NUP107: variants seen among roughly 807,000 people sequenced by gnomAD.
NUP107 encodes nucleoporin 107, also known as nuclear pore complex protein Nup107.
NUP107 carries 101 observed loss-of-function variants against 141.0 expected under a neutral mutation model. The ratio of observed to expected loss-of-function variants is 0.72; its 90% confidence interval spans 0.61 to 0.84. The LOEUF (loss-of-function observed/expected upper bound fraction) is 0.84, where lower values mean the gene tolerates loss of function less well. Among genes scored for constraint, NUP107 ranks in the 40% least tolerant of loss-of-function variants. The probability of loss-of-function intolerance (pLI) is 0.00; values close to 1 mark genes in which losing one functional copy is unlikely to be tolerated. For missense variants in NUP107, 941 were observed against 1,102.7 expected (o/e 0.85, Z 2.08); for synonymous variants, 319 against 363.9 (o/e 0.88, Z 1.41).
intron 7 of NUP107, among the ~76,000 whole-genome samples, chr12:68,701,836 A>T (rs958496200): frequency 2.0e-5 from 3 of 152,004 alleles, no homozygotes; most frequent in Admixed American, 2.0e-4. Flanking sequence ...TTTGAAAAAG[A>T]GTCTCACTCT....
At chr12:68,699,605 A>G (rs1231720606) in intron 6 of NUP107, among the ~76,000 whole-genome samples, 3 of 152,232 alleles carry the variant, frequency 2.0e-5, no homozygotes. Flanking sequence ...AATGTAATGA[A>G]TGAAGTACAG....
At position 68,721,098 on chromosome 12, in the gene NUP107, T is replaced by A. The variant is rs1337500805; in HGVS notation, c.1252-20T>A. 6 of 1,510,960 alleles carry A rather than the reference T, an allele frequency of 4.0e-6. No homozygotes were observed. The African/African-American group carries it at 8.3e-5, about 21-fold the overall frequency. The allele number at this position is 1,510,960 out of a possible 1,614,324, so 93.6% of individuals were successfully genotyped here. A position where few individuals can be genotyped will look rare whatever the true frequency, so the allele number is the denominator to read the frequency against. ...AAGAAAAACAATATTTCAAATTTGT[T>A]TATATTCATTGTGTTTTAGGAGCTT... is the stretch of plus-strand genomic sequence containing the variant. On this transcript the variant is annotated intron_variant, in intron 14 of 27. Transcript: ENST00000229179.
chr12:68,705,970 C>T, intron 8 of NUP107: 1 of 900,802 alleles, frequency 1.1e-6, no homozygotes, highest in South Asian at 1.3e-5. Flanking sequence ...ACAGTTCCTG[C>T]AGCAGCAGAA....
chr12:68,715,892 T>C, intron 12 of NUP107, 152 bp downstream of exon 12: 1 of 538,128 alleles, frequency 1.9e-6, no homozygotes, highest in East Asian at 2.9e-5. Context: ...ACATTTCCGG[T>C]GATAAGGCAC....
chr12:68,712,277 G>A (rs955042576), intron 10 of NUP107, among the ~76,000 whole-genome samples: 2 of 151,964 alleles, frequency 1.3e-5, no homozygotes, highest in African/African-American at 4.8e-5. Context: ...GAGATCAGGA[G>A]TTCAAGAGCA....
chr12:68,716,237 C>CTTTTTTT (rs1304801302), intron 12 of NUP107, among the ~76,000 whole-genome samples: 1 of 115,512 alleles, frequency 8.7e-6, no homozygotes, highest in Admixed American at 9.3e-5. Context: ...TTCTTTCTTT[C>CTTTTTTT]TTTCTTTCTT....
chr12:68,742,472 T>C lies in NUP107; in HGVS notation c.*10T>C, dbSNP rs79419059. ...TGAAATTCAGTTATAGTTTAATCTT[T>C]GTAATCTCACTAATTTTCATGATAA... is the stretch of plus-strand genomic sequence containing the variant. On this transcript the variant is annotated 3_prime_UTR_variant, in exon 28 of 28. Transcript: ENST00000229179. 0.036 allele frequency: 49,586 copies of C among 1,362,196 alleles called. 1,068 individuals carry two copies. The highest frequency in any genetic ancestry group is 0.053 in the Middle Eastern group (286 of 5,406). The allele number at this position is 1,362,196 out of a possible 1,614,324, so 84.4% of individuals were successfully genotyped here.
chr12:68,727,343 C>T lies in NUP107; in HGVS notation c.1696-8C>T, dbSNP rs1262294445. 6.2e-6 allele frequency: 9 copies of T among 1,443,560 alleles called. No homozygotes were observed. The highest frequency in any genetic ancestry group is 1.2e-5 in the South Asian group (1 of 80,606). The allele number at this position is 1,443,560 out of a possible 1,614,324, so 89.4% of individuals were successfully genotyped here. A position where few individuals can be genotyped will look rare whatever the true frequency, so the allele number is the denominator to read the frequency against. On this transcript the variant is annotated splice_region_variant and splice_polypyrimidine_tract_variant and intron_variant, in intron 19 of 27. Transcript: ENST00000229179. ...GTATTTATAATTATGTCTTTTTTTC[C>T]TATGAAGGAGGAAGTTTCTATTGAA...
chr12:68,737,970 C>T (rs528087657), intron 26 of NUP107, among the ~76,000 whole-genome samples: 22 of 152,004 alleles, frequency 1.4e-4, no homozygotes, highest in East Asian at 7.8e-4. Context: ...GGTGAAACTC[C>T]GTCTCTACTA....
At chr12:68,693,460 C>T (rs1025947999) in intron 5 of NUP107, among the ~76,000 whole-genome samples, 1 of 152,030 alleles carries the variant, frequency 6.6e-6, no homozygotes, top group Non-Finnish European at 1.5e-5. Context: ...GTGATCCTAC[C>T]GCCTCAGCCT....
At position 68,733,559 on chromosome 12, in the gene NUP107, C is replaced by T. The variant is rs79501136; in HGVS notation, c.2209C>T (p.Pro737Ser). The change falls in exon 24 of 28, where the codon CCT becomes TCT. Residue 737 changes from proline (P) to serine (S), a missense_variant. Transcript: ENST00000229179. ...GGAACAAGGAATGGAAAGTCCACTT[C>T]CTGCTGAAGATGATAATGCTATCCG... ...CEEQGMESPL[P>S]AEDDNAIREH... 1 of 1,612,902 alleles carries T rather than the reference C, an allele frequency of 6.2e-7. No homozygotes were observed. The highest frequency in any genetic ancestry group is 8.5e-7 in the Non-Finnish European group (1 of 1,179,304).
chr12:68,699,214 TG>T (rs1241079358), intron 6 of NUP107, among the ~76,000 whole-genome samples: 1 of 151,824 alleles, frequency 6.6e-6, no homozygotes, highest in Non-Finnish European at 1.5e-5. Context: ...GTACTAAAAA[TG>T]CAAAAAAATT....
At chr12:68,692,593 A>C (rs1044188504) in intron 5 of NUP107, among the ~76,000 whole-genome samples, 31 of 151,708 alleles carry the variant, frequency 2.0e-4, no homozygotes, top group Admixed American at 5.9e-4. Context: ...AAAAAAACAA[A>C]AAAAAAAACA....
intron 9 of NUP107, 103 bp downstream of exon 9, chr12:68,709,412 T>C: frequency 1.6e-6 from 1 of 620,928 alleles, no homozygotes; most frequent in South Asian, 2.4e-5. Flanking sequence ...TTTCTGAATT[T>C]TTTTTCTACT....
Position 68,745,108 on chromosome 12 carries a change from G to A in NUP107, c.*2646G>A, listed in dbSNP as rs1454652531. 6.6e-6 allele frequency: 1 copy of A among 152,084 alleles called. No individual in the cohort carries two copies. The highest frequency in any genetic ancestry group is 1.5e-5 in the Non-Finnish European group (1 of 68,030). The allele number at this position is 152,084 out of a possible 1,614,324, so 9.4% of individuals were successfully genotyped here. ...TTATTTATTTAATTTAGAGATGGGGGTCTCACTATGTTGCCCATCCCGGCT... is the reference window on the plus strand; with the variant it reads ...TTATTTATTTAATTTAGAGATGGGGATCTCACTATGTTGCCCATCCCGGCT... On this transcript the variant is annotated 3_prime_UTR_variant, in exon 28 of 28. Coordinates refer to ENST00000229179, the MANE Select transcript of NUP107 (RefSeq NM_020401.4).
At chr12:68,729,887 T>C (rs1290478141) in intron 20 of NUP107, among the ~76,000 whole-genome samples, 1 of 151,566 alleles carries the variant, frequency 6.6e-6, no homozygotes, top group Non-Finnish European at 1.5e-5. Context: ...CCTCTGCCTC[T>C]TGGGTTCAAG....
In NUP107 at chr12:68,731,245, T is replaced by A; in HGVS notation, c.1870T>A (p.Leu624Met). The change falls in exon 21 of 28, where the codon TTG becomes ATG. Residue 624 changes from leucine (L) to methionine (M), a missense_variant. Coordinates refer to ENST00000229179, the MANE Select transcript of NUP107 (RefSeq NM_020401.4). ...TGAACAGCGCCACCATTGCCTGGAG[T>A]TGGCTAAAGAAGCAGGTAAAAATGG... is the stretch of plus-strand genomic sequence containing the variant. ...EFEQRHHCLE[L>M]AKEADLDVAT... 6.3e-7 allele frequency: 1 copy of A among 1,599,306 alleles called. No homozygotes were observed. The highest frequency in any genetic ancestry group is 1.1e-5 in the South Asian group (1 of 87,254).
rs769517264 is a variant in NUP107, at chr12:68,716,240, TC to T, written c.1083+501del. On this transcript the variant is annotated intron_variant, in intron 12 of 27. Transcript: ENST00000229179. ...CTTTTTCTTTCTTTCTTTCTTTCTT[TC>T]TTTCTTTTTTTTTTTGAGATGGGAT... Among the ~76,000 whole-genome samples, 894 of 120,200 alleles carry T rather than the reference TC, an allele frequency of 7.4e-3. 10 individuals are homozygous for T. The highest frequency in any genetic ancestry group is 0.016 in the South Asian group (42 of 2,650). The allele number at this position is 120,200 out of a possible 152,430, so 78.9% of individuals were successfully genotyped here. A position where few individuals can be genotyped will look rare whatever the true frequency, so the allele number is the denominator to read the frequency against.
At chr12:68,720,445 A>G (rs569903360) in intron 14 of NUP107, among the ~76,000 whole-genome samples, 2 of 152,252 alleles carry the variant, frequency 1.3e-5, no homozygotes, top group Admixed American at 1.3e-4. Context: ...AAAAGCCTGA[A>G]AAAGTAATTA....
Sources: allele counts gnomAD v4.1 joint callset (sites outside exome capture counted in the v4.1 genomes callset), GRCh38; gene constraint gnomAD v4.1.1; transcripts MANE v1.5; gene names NCBI Gene and HGNC (gene_info 2026-07-23, HGNC 2026-07-21).